The following CRTC1 variants were observed in gnomAD, a reference collection of about 807,000 sequenced individuals.
CRTC1 encodes the protein CREB regulated transcription coactivator 1.
CRTC1 carries 18 observed loss-of-function variants against 66.1 expected under a neutral mutation model. The ratio of observed to expected loss-of-function variants is 0.27; its 90% CI spans 0.19 to 0.40. The LOEUF is 0.40. CRTC1 is among the 10% of genes least tolerant of loss of function. The pLI, the probability that CRTC1 is intolerant of heterozygous loss-of-function variation, is 1.00. For synonymous variants in CRTC1, 416 were observed against 398.8 expected, an observed-to-expected ratio of 1.04 and a Z score of -0.51; for missense variants, 669 against 887.9, an observed-to-expected ratio of 0.75 and a Z score of 3.13.
In CRTC1 at chr19:18,753,485, C is replaced by T; in HGVS notation, c.539-15C>T. On this transcript the variant is annotated splice_polypyrimidine_tract_variant and intron_variant, in intron 5 of 13. Transcript: ENST00000321949. The stretch of plus-strand genomic sequence containing the variant: ...TTCTTCTCTGATTCTCCTTCTCCCC[C>T]TCCCACCTCCCCAGTCTTACTGTTA... The T allele has an allele frequency of 6.3e-7, 1 of 1,590,668 alleles. No homozygotes were observed.
At chr19:18,691,752 C>T (rs188039185) in intron 1 of CRTC1, among the ~76,000 whole-genome samples, 55 of 151,902 alleles carry the variant, frequency 3.6e-4, no homozygotes, top group African/African-American at 1.2e-3. Flanking sequence ...CTCACTCTGT[C>T]GCCCATGTTG....
intron 6 of CRTC1, among the ~76,000 whole-genome samples, chr19:18,754,889 G>A (rs904402737): frequency 7.2e-5 from 11 of 152,148 alleles, no homozygotes; most frequent in African/African-American, 1.7e-4. Flanking sequence ...CGTGGTGAGT[G>A]TGGGTGGTGC....
chr19:18,749,915 C>G (rs367799790), intron 5 of CRTC1, 40 bp downstream of exon 5: 1 of 1,512,048 alleles, frequency 6.6e-7, no homozygotes, highest in African/African-American at 1.4e-5. Flanking sequence ...TGGGGTGAGG[C>G]AAGTCCAGCA....
intron 2 of CRTC1, among the ~76,000 whole-genome samples, chr19:18,743,686 C>T (rs552640106): frequency 6.6e-6 from 1 of 152,306 alleles, no homozygotes; most frequent in East Asian, 1.9e-4. Context: ...ACAGCCATGG[C>T]CACTGACAGG....
intron 1 of CRTC1, among the ~76,000 whole-genome samples, chr19:18,730,325 C>A (rs969720965): frequency 1.3e-5 from 2 of 152,076 alleles, no homozygotes; most frequent in African/African-American, 2.4e-5. Context: ...AGGCAGGGGG[C>A]GCCTGGTGAA....
At chr19:18,730,634 C>T (rs549651424) in intron 1 of CRTC1, among the ~76,000 whole-genome samples, 2 of 152,270 alleles carry the variant, frequency 1.3e-5, no homozygotes, top group South Asian at 2.1e-4. Context: ...TCCACTCCCA[C>T]CCCTGCAGTT....
rs1025700949 is a variant in CRTC1, at chr19:18,685,418, A to G, written c.126+1590A>G. 1.1e-4 allele frequency among the ~76,000 whole-genome samples: 16 copies of G among 152,176 alleles called. 1 individual carries two copies. Among genetic ancestry groups the G allele is most frequent in the African/African-American group, 2.6e-4 (11 of 41,516 alleles). On this transcript the variant is annotated intron_variant, in intron 1 of 13. Transcript: ENST00000321949. ...CATGCCTGTAATCCCAGCACTTTGG[A>G]AGGCTGAGGCAGTGGATCACCTGAG...
At chr19:18,758,505 C>G (rs1358097826) in intron 6 of CRTC1, among the ~76,000 whole-genome samples, 1 of 152,106 alleles carries the variant, frequency 6.6e-6, no homozygotes, top group African/African-American at 2.4e-5. Flanking sequence ...AGTGTCCTGA[C>G]AGTGCTCCTC....
intron 1 of CRTC1, among the ~76,000 whole-genome samples, chr19:18,708,533 C>T (rs1240739014): frequency 6.6e-6 from 1 of 152,140 alleles, no homozygotes; most frequent in Non-Finnish European, 1.5e-5. Context: ...GGGACCATGA[C>T]GAGCCTGGTG....
chr19:18,777,417 C>T lies in CRTC1; in HGVS notation c.*35C>T, dbSNP rs199879729. ...CCGGCACCCTGCCGCTCAGCCGTCCCGACGGCGCCTCCCCAGCCCGGGGAC... is the reference window on the plus strand; with the variant it reads ...CCGGCACCCTGCCGCTCAGCCGTCCTGACGGCGCCTCCCCAGCCCGGGGAC... On this transcript the variant is annotated 3_prime_UTR_variant, in exon 14 of 14. Transcript: ENST00000321949. The surrounding 1 kb of genome is among the most constrained non-coding windows in gnomAD (Gnocchi z 5.5). 2.2e-3 allele frequency: 3,471 copies of T among 1,575,414 alleles called. 61 individuals carry two copies. In the South Asian group the frequency reaches 0.026, roughly 12 times the overall value.
chr19:18,758,519 C>T (rs866166000), intron 6 of CRTC1, among the ~76,000 whole-genome samples: 33 of 152,206 alleles, frequency 2.2e-4, no homozygotes, highest in African/African-American at 7.7e-4. Flanking sequence ...GCTCCTCAGC[C>T]AAGCAGAAAA....
At position 18,780,406 on chromosome 19, in the gene CRTC1, CCT is replaced by C. The variant is rs1462175774; in HGVS notation, c.*3031_*3032del. 10 of 232,216 alleles carry C rather than the reference CCT, an allele frequency of 4.3e-5. No homozygotes were observed. The highest frequency in any genetic ancestry group is 7.7e-5 in the Non-Finnish European group (9 of 117,458). 14.4% of individuals were successfully genotyped at this position (232,216 alleles called of 1,614,324 possible). On this transcript the variant is annotated 3_prime_UTR_variant, in exon 14 of 14. Coordinates refer to ENST00000321949, the MANE Select transcript of CRTC1 (RefSeq NM_015321.3). Reference sequence around the variant, plus strand: ...GGCAGAGGGTGTAGCCCAAGTTCAGCCTCTCTCTGTGTCCTCCAGAGAAGAGG... The same window carrying C: ...GGCAGAGGGTGTAGCCCAAGTTCAGCCTCTCTGTGTCCTCCAGAGAAGAGG...
At chr19:18,744,258 G>A (rs868552200) in intron 2 of CRTC1, 54 of 1,099,740 alleles carry the variant, frequency 4.9e-5, no homozygotes, top group Middle Eastern at 2.5e-4. Flanking sequence ...CCAAGCGGCC[G>A]CCCCTGCGGC....
chr19:18,778,130 A>G lies in CRTC1; in HGVS notation c.*748A>G. The G allele has an allele frequency of 4.3e-6, 1 of 232,830 alleles. No individual in the cohort carries two copies. Among genetic ancestry groups the G allele is most frequent in the Non-Finnish European group, 8.5e-6 (1 of 117,856 alleles). 14.4% of individuals were successfully genotyped at this position (232,830 alleles called of 1,614,324 possible). A position where few individuals can be genotyped will look rare whatever the true frequency, so the allele number is the denominator to read the frequency against. The stretch of plus-strand genomic sequence containing the variant: ...CGGTGGCCACCTTTGCCGGGAAGTG[A>G]CCGGAAGGCCCCGTGAGGGGTCGAA... On this transcript the variant is annotated 3_prime_UTR_variant, in exon 14 of 14. Coordinates refer to ENST00000321949, the MANE Select transcript of CRTC1 (RefSeq NM_015321.3).
chr19:18,742,120 A>G (rs1192042490), intron 1 of CRTC1, among the ~76,000 whole-genome samples: 1 of 152,102 alleles, frequency 6.6e-6, no homozygotes, highest in African/African-American at 2.4e-5. Flanking sequence ...GTCGTGCCAC[A>G]TGGGTCAGGG....
At chr19:18,707,553 A>G (rs916785549) in intron 1 of CRTC1, among the ~76,000 whole-genome samples, 1 of 151,916 alleles carries the variant, frequency 6.6e-6, no homozygotes, top group South Asian at 2.1e-4. Flanking sequence ...CAATTTTGTT[A>G]TTTTTCAAGA....
chr19:18,688,771 C>T (rs1009335817), intron 1 of CRTC1, among the ~76,000 whole-genome samples: 1 of 152,012 alleles, frequency 6.6e-6, no homozygotes, highest in Non-Finnish European at 1.5e-5. Flanking sequence ...ATTGAGATGT[C>T]ATTTCCATGG....
chr19:18,686,277 T>C (rs569418685), intron 1 of CRTC1, among the ~76,000 whole-genome samples: 2 of 152,364 alleles, frequency 1.3e-5, no homozygotes, highest in East Asian at 3.9e-4. Flanking sequence ...AGTGCTTCGT[T>C]CCTTTTTAGG....
At chr19:18,729,301 C>CT (rs2053832632) in intron 1 of CRTC1, among the ~76,000 whole-genome samples, 1 of 151,286 alleles carries the variant, frequency 6.6e-6, no homozygotes, top group South Asian at 2.1e-4. Flanking sequence ...CGGCGGGCAC[C>CT]TGTAGTCCCA....
Sources: allele counts gnomAD v4.1 joint callset (sites outside exome capture counted in the v4.1 genomes callset), GRCh38; gene constraint gnomAD v4.1.1; non-coding constraint Gnocchi (gnomAD v3.1); transcripts MANE v1.5; gene names NCBI Gene and HGNC (gene_info 2026-07-23, HGNC 2026-07-21).